Variants in CDC42EP2 observed in about 807,000 individuals in gnomAD.
The protein encoded by CDC42EP2 is CDC42 effector protein 2.
A neutral mutation model predicts 7.3 loss-of-function variants in CDC42EP2; 5 were observed. That is an observed-to-expected ratio of 0.68 (90% CI 0.36 to 1.44). The LOEUF is 1.44. CDC42EP2 is among the 40% of genes most tolerant of loss of function. CDC42EP2 has a pLI of 0.04. For synonymous variants in CDC42EP2, 113 were observed against 123.6 expected (o/e 0.91, Z 0.57); for missense variants, 251 against 282.6 (o/e 0.89, Z 0.80).
rs1949944061 is a variant in CDC42EP2, at chr11:65,315,643, T to C, written c.-356+689T>C. 6.6e-6 allele frequency among the ~76,000 whole-genome samples: 1 copy of C among 152,106 alleles called. No homozygotes were observed. Among genetic ancestry groups the C allele is most frequent in the African/African-American group, 2.4e-5 (1 of 41,420 alleles). On this transcript the variant is annotated intron_variant, in intron 1 of 1. Transcript: ENST00000279249. The surrounding 1 kb of genome is among the most constrained non-coding windows in gnomAD (Gnocchi z 4.1). ...CCCATCTGGTACTTGAACGCGCAGC[T>C]CCTTGGGGACCGCCTGCCTGGAGCC...
Position 65,322,099 on chromosome 11 carries a change from CTCCCTG to C in CDC42EP2, c.*574_*579del, listed in dbSNP as rs1333263982. The C allele has an allele frequency of 6.0e-6, 1 of 167,786 alleles. No individual in the cohort carries two copies. The highest frequency in any genetic ancestry group is 1.5e-5 in the Non-Finnish European group (1 of 68,724). 10.4% of individuals were successfully genotyped at this position (167,786 alleles called of 1,614,324 possible). A position where few individuals can be genotyped will look rare whatever the true frequency, so the allele number is the denominator to read the frequency against. On this transcript the variant is annotated 3_prime_UTR_variant, in exon 2 of 2. Transcript: ENST00000279249. The stretch of plus-strand genomic sequence containing the variant: ...AAACATGCTGCTGCTGGTGGCGGAG[CTCCCTG>C]TCCCTTTGCCCCAGGTTTCCTCCCG...
rs376336333 is a variant in CDC42EP2 at position 65,316,514 on chromosome 11, CATATT to C, written c.-356+1563_-356+1567del. Among the ~76,000 whole-genome samples, 25 of 152,230 alleles carry C rather than the reference CATATT, an allele frequency of 1.6e-4. 2 individuals are homozygous for C. In the South Asian group the frequency reaches 3.9e-3, roughly 24 times the overall value. ...GCCCCTTTCTCTCCCGCTCCCCAAA[CATATT>C]ATGGAAGTAGGCGTGGCCCACTGCA... is the stretch of plus-strand genomic sequence containing the variant. On this transcript the variant is annotated intron_variant, in intron 1 of 1. Transcript: ENST00000279249.
In CDC42EP2 at chr11:65,321,090, C is replaced by G. The variant is rs2137658920; in HGVS notation, c.192C>G (p.Leu64=). 1 of 1,614,204 alleles carries G rather than the reference C, an allele frequency of 6.2e-7. No homozygotes were observed. The highest frequency in any genetic ancestry group is 8.5e-7 in the Non-Finnish European group (1 of 1,180,036). ...DISFLQGKFH[L]LPGTMVEGPE... ...CCTTCCTGCAGGGCAAGTTCCACCT[C>G]CTGCCGGGGACCATGGTGGAGGGGC... is the stretch of plus-strand genomic sequence containing the variant. The change falls in exon 2 of 2, where the codon CTC becomes CTG. Residue 64 remains leucine (L), a synonymous_variant. Coordinates refer to ENST00000279249, the MANE Select transcript of CDC42EP2 (RefSeq NM_006779.4). This position sits in a 1 kb window ranked among gnomAD's most constrained non-coding sequence, Gnocchi z 4.4.
rs745423888 is a variant in CDC42EP2, at chr11:65,321,328, G to T, written c.430G>T (p.Glu144Ter). Residue 144 changes from glutamate (E) to a stop codon, truncating the protein, a stop_gained, in exon 2 of 2, where the codon GAG (glutamate) becomes TAG (stop). Transcript: ENST00000279249. LOFTEE classifies it high-confidence loss of function. The surrounding 1 kb of genome is among the most constrained non-coding windows in gnomAD (Gnocchi z 4.4). ...GGAGACCCCTCAGCCTTCCCCACAG[G>T]AGGGAGGGAGTGTGGACATCTGGAG... ...HLETPQPSPQEGGSVDIWRIP... is the reference protein window; with the variant it reads ...HLETPQPSPQ 9.9e-6 allele frequency: 16 copies of T among 1,613,776 alleles called. No homozygotes were observed. Among genetic ancestry groups the T allele is most frequent in the Non-Finnish European group, 1.4e-5 (16 of 1,179,962 alleles).
chr11:65,318,421 ATTTTTTT>A (rs1279340276), intron 1 of CDC42EP2, among the ~76,000 whole-genome samples: 1 of 114,078 alleles, frequency 8.8e-6, no homozygotes, highest in South Asian at 2.7e-4. Flanking sequence ...CACCTGGCAA[ATTTTTTT>A]TTTTTTTTTT....
At chr11:65,319,756 T>C (rs1188182954) in intron 1 of CDC42EP2, among the ~76,000 whole-genome samples, 1 of 152,080 alleles carries the variant, frequency 6.6e-6, no homozygotes, top group African/African-American at 2.4e-5. Context: ...GTGCTCCAGG[T>C]CCCCGCCAGG....
chr11:65,317,478 C>T (rs1316232694), intron 1 of CDC42EP2, among the ~76,000 whole-genome samples: 1 of 152,120 alleles, frequency 6.6e-6, no homozygotes, highest in Non-Finnish European at 1.5e-5. Context: ...TTGGTGAGCC[C>T]CTGGCTGGGC....
At position 65,318,868 on chromosome 11, in the gene CDC42EP2, C is replaced by CTTTT. The variant is rs11333656; in HGVS notation, c.-355-1640_-355-1637dup. Among the ~76,000 whole-genome samples the CTTTT allele has an allele frequency of 6.3e-4, 16 of 25,580 alleles. 5 individuals are homozygous for CTTTT. Among genetic ancestry groups the CTTTT allele is most frequent in the East Asian group, 2.8e-3 (2 of 720 alleles). The allele number at this position is 25,580 out of a possible 152,430, so 16.8% of individuals were successfully genotyped here. A position where few individuals can be genotyped will look rare whatever the true frequency, so the allele number is the denominator to read the frequency against. On this transcript the variant is annotated intron_variant, in intron 1 of 1. Coordinates refer to ENST00000279249, the MANE Select transcript of CDC42EP2 (RefSeq NM_006779.4). ...TACAGAAGTGAGCCACTGCACCTGA[C>CTTTT]TTTTTTTTTTTTTTTTTTTTTTTTT...
Position 65,321,130 on chromosome 11 carries a change from A to C in CDC42EP2, c.232A>C (p.Thr78Pro), listed in dbSNP as rs1254133977. The C allele has an allele frequency of 6.2e-7, 1 of 1,614,058 alleles. No homozygotes were observed. Among genetic ancestry groups the C allele is most frequent in the South Asian group, 1.1e-5 (1 of 91,078 alleles). The change falls in exon 2 of 2, where the codon ACC becomes CCC. Residue 78 changes from threonine to proline, a missense_variant. By Grantham distance (38) the Thr-to-Pro change is conservative. Transcript: ENST00000279249. This position sits in a 1 kb window ranked among gnomAD's most constrained non-coding sequence, Gnocchi z 4.4. Reference sequence around the variant, plus strand: ...GGTGGAGGGGCCTGAAGAAGATGGCACCTTCGACCTCCCCTTCCAGTTCAC... The same window carrying C: ...GGTGGAGGGGCCTGAAGAAGATGGCCCCTTCGACCTCCCCTTCCAGTTCAC... ...TMVEGPEEDG[T>P]FDLPFQFTRT...
intron 1 of CDC42EP2, among the ~76,000 whole-genome samples, chr11:65,319,757 C>T (rs568547253): frequency 1.4e-4 from 22 of 152,190 alleles, no homozygotes; most frequent in Non-Finnish European, 2.6e-4. Flanking sequence ...TGCTCCAGGT[C>T]CCCGCCAGGC....
At chr11:65,317,752 A>T (rs778283050) in intron 1 of CDC42EP2, among the ~76,000 whole-genome samples, 3 of 150,282 alleles carry the variant, frequency 2.0e-5, no homozygotes, top group African/African-American at 5.0e-5. Flanking sequence ...AAATAGCTTA[A>T]TTTTTTTCTG....
At chr11:65,318,655 C>T (rs1949959329) in intron 1 of CDC42EP2, among the ~76,000 whole-genome samples, 1 of 151,708 alleles carries the variant, frequency 6.6e-6, no homozygotes, top group Admixed American at 6.6e-5. Context: ...GATCTCCTGA[C>T]CTCATGATCC....
chr11:65,318,649 T>G (rs1230179463), intron 1 of CDC42EP2, among the ~76,000 whole-genome samples: 2 of 151,866 alleles, frequency 1.3e-5, no homozygotes, highest in Non-Finnish European at 2.9e-5. Flanking sequence ...GGTCTCGATC[T>G]CCTGACCTCA....
At position 65,321,679 on chromosome 11, in the gene CDC42EP2, C is replaced by A; in HGVS notation, c.*148C>A. The A allele has an allele frequency of 1.4e-6, 1 of 715,046 alleles. No homozygotes were observed. Among genetic ancestry groups the A allele is most frequent in the African/African-American group, 1.8e-5 (1 of 55,880 alleles). The allele number at this position is 715,046 out of a possible 1,614,324, so 44.3% of individuals were successfully genotyped here. A position where few individuals can be genotyped will look rare whatever the true frequency, so the allele number is the denominator to read the frequency against. ...TCTCCTTCTGAGCCGTGTTTCCCCT[C>A]TCCCTCCCTCTCCACGTGGGCAGGG... On this transcript the variant is annotated 3_prime_UTR_variant, in exon 2 of 2. Coordinates refer to ENST00000279249, the MANE Select transcript of CDC42EP2 (RefSeq NM_006779.4). The surrounding 1 kb of genome is among the most constrained non-coding windows in gnomAD (Gnocchi z 4.4).
At chr11:65,316,456 T>C (rs749298726) in intron 1 of CDC42EP2, among the ~76,000 whole-genome samples, 5 of 152,072 alleles carry the variant, frequency 3.3e-5, no homozygotes, top group Non-Finnish European at 5.9e-5. Flanking sequence ...ATGGAGGAGA[T>C]CTGGGGACCC....
At chr11:65,319,811 C>T (rs1949965188) in intron 1 of CDC42EP2, among the ~76,000 whole-genome samples, 1 of 152,170 alleles carries the variant, frequency 6.6e-6, no homozygotes, top group Non-Finnish European at 1.5e-5. Flanking sequence ...TGTCCTTGGT[C>T]AAGTAGGGAG....
At chr11:65,319,850 T>C (rs1417003729) in intron 1 of CDC42EP2, among the ~76,000 whole-genome samples, 1 of 152,178 alleles carries the variant, frequency 6.6e-6, no homozygotes, top group East Asian at 1.9e-4. Flanking sequence ...CCCCCCACAA[T>C]CTGGCACTTA....
chr11:65,317,671 G>A (rs1449230778), intron 1 of CDC42EP2, among the ~76,000 whole-genome samples: 5 of 152,162 alleles, frequency 3.3e-5, no homozygotes, highest in Non-Finnish European at 7.3e-5. Context: ...CAGAGGGAGT[G>A]CTTGCTTCAT....
chr11:65,318,512 C>CT (rs1202572237), intron 1 of CDC42EP2, among the ~76,000 whole-genome samples: 1 of 151,660 alleles, frequency 6.6e-6, no homozygotes, highest in African/African-American at 2.4e-5. Flanking sequence ...CAAGCTCTGC[C>CT]TCCCGGGTTC....
Sources: allele counts gnomAD v4.1 joint callset (sites outside exome capture counted in the v4.1 genomes callset), GRCh38; gene constraint gnomAD v4.1.1; non-coding constraint Gnocchi (gnomAD v3.1); transcripts MANE v1.5; gene names NCBI Gene and HGNC (gene_info 2026-07-23, HGNC 2026-07-21).